Variants in DTD1 observed in about 807,000 individuals in gnomAD.
DTD1 encodes D-tyrosyl-tRNA deacylase 1 homolog.
DTD1 carries 13 observed loss-of-function variants against 25.6 expected under a neutral mutation model. That is an observed-to-expected ratio of 0.51 (90% CI 0.33 to 0.81). The LOEUF is 0.81. Ranked by LOEUF, DTD1 falls within the 30% of genes least tolerant of loss-of-function variation. The pLI, the probability that DTD1 is intolerant of heterozygous loss-of-function variation, is 0.02. For missense variants in DTD1, 193 were observed against 266.4 expected (o/e 0.72, Z 1.92); for synonymous variants, 110 against 103.6 (o/e 1.06, Z -0.37).
At chr20:18,730,344 A>G (rs184987528) in intron 4 of DTD1, among the ~76,000 whole-genome samples, 23 of 152,334 alleles carry the variant, frequency 1.5e-4, no homozygotes, top group African/African-American at 5.3e-4. Flanking sequence ...GTGCTGGGTC[A>G]TAACAAGCAT....
At chr20:18,622,811 T>C (rs1365626249) in intron 3 of DTD1, among the ~76,000 whole-genome samples, 1 of 152,196 alleles carries the variant, frequency 6.6e-6, no homozygotes, top group African/African-American at 2.4e-5. Context: ...TAGTGATCTC[T>C]TTGGGCCGGC....
intron 4 of DTD1, among the ~76,000 whole-genome samples, chr20:18,652,503 G>A (rs1463723497): frequency 3.9e-5 from 6 of 152,222 alleles, no homozygotes; most frequent in South Asian, 2.1e-4. Context: ...CAAGGCAGGT[G>A]CAGCCTGGAG....
At chr20:18,622,993 G>A (rs538467248) in intron 3 of DTD1, among the ~76,000 whole-genome samples, 3 of 146,702 alleles carry the variant, frequency 2.0e-5, no homozygotes, top group Admixed American at 7.0e-5. Context: ...AGGCTGGAGT[G>A]CAGTGGCGCG....
At chr20:18,593,687 T>G (rs1206797860) in intron 1 of DTD1, 44 bp from the exon 2 acceptor site, 11 of 1,462,868 alleles carry the variant, frequency 7.5e-6, no homozygotes, top group Non-Finnish European at 1.1e-5. Flanking sequence ...CTTTATGACC[T>G]TGTTTGGTTC....
intron 3 of DTD1, among the ~76,000 whole-genome samples, chr20:18,597,189 GTGTGTGTGTGTA>G (rs1443487618): frequency 1.6e-5 from 2 of 127,294 alleles, no homozygotes; most frequent in Non-Finnish European, 3.5e-5. Flanking sequence ...GTGTGTGTGT[GTGTGTGTGTGTA>G]TAGAGAGAAG....
chr20:18,743,376 G>A (rs1188689535), intron 4 of DTD1, among the ~76,000 whole-genome samples: 1 of 152,216 alleles, frequency 6.6e-6, no homozygotes, highest in Admixed American at 6.5e-5. Context: ...CTTCAGCAAA[G>A]AGTAATGTGT....
chr20:18,601,498 C>CAA (rs1175102426), intron 3 of DTD1, among the ~76,000 whole-genome samples: 28 of 110,496 alleles, frequency 2.5e-4, no homozygotes, highest in East Asian at 6.7e-4. Flanking sequence ...GACTCTGTCT[C>CAA]AAAAAAAAAA....
intron 1 of DTD1, chr20:18,588,981 A>G (rs1268244347): frequency 2.9e-6 from 2 of 698,066 alleles, no homozygotes; most frequent in African/African-American, 3.9e-5. Context: ...GTTTCAGTTC[A>G]AATAATTTCA....
At chr20:18,666,744 C>G (rs974355348) in intron 4 of DTD1, among the ~76,000 whole-genome samples, 15 of 152,118 alleles carry the variant, frequency 9.9e-5, no homozygotes, top group African/African-American at 3.6e-4. Flanking sequence ...TGTACTTTCT[C>G]TACTTAATTT....
At chr20:18,722,996 A>G (rs2122494704) in intron 4 of DTD1, among the ~76,000 whole-genome samples, 1 of 152,362 alleles carries the variant, frequency 6.6e-6, no homozygotes, top group South Asian at 2.1e-4. Context: ...ATAAATACAG[A>G]AGATTCCATT....
At chr20:18,599,961 C>T (rs1240618817) in intron 3 of DTD1, among the ~76,000 whole-genome samples, 1 of 152,130 alleles carries the variant, frequency 6.6e-6, no homozygotes, top group South Asian at 2.1e-4. Flanking sequence ...AAATATTTAT[C>T]CTTTATCAGA....
chr20:18,707,157 C>T (rs770915848), intron 4 of DTD1, among the ~76,000 whole-genome samples: 1 of 152,192 alleles, frequency 6.6e-6, no homozygotes, highest in Non-Finnish European at 1.5e-5. Flanking sequence ...AGCGTTCAGA[C>T]GACTCCCGTT....
At chr20:18,662,570 C>T (rs1173074015) in intron 4 of DTD1, among the ~76,000 whole-genome samples, 1 of 152,202 alleles carries the variant, frequency 6.6e-6, no homozygotes. Flanking sequence ...GAAGGATGCT[C>T]AATACAGCGT....
chr20:18,734,590 G>A (rs2061249253), intron 4 of DTD1, among the ~76,000 whole-genome samples: 1 of 152,208 alleles, frequency 6.6e-6, no homozygotes, highest in African/African-American at 2.4e-5. Flanking sequence ...ACTGAGGCAT[G>A]GTGAAATTCA....
At chr20:18,665,415 A>G (rs766235299) in intron 4 of DTD1, among the ~76,000 whole-genome samples, 2 of 152,212 alleles carry the variant, frequency 1.3e-5, no homozygotes, top group Non-Finnish European at 2.9e-5. Flanking sequence ...CTCTTCAGGT[A>G]TCCCCTTGAG....
chr20:18,617,947 G>A (rs1280980527), intron 3 of DTD1, among the ~76,000 whole-genome samples: 2 of 152,046 alleles, frequency 1.3e-5, no homozygotes, highest in Non-Finnish European at 2.9e-5. Flanking sequence ...CTGTTCTGTG[G>A]CAGGACCATA....
At chr20:18,735,547 T>G (rs1458427365) in intron 4 of DTD1, among the ~76,000 whole-genome samples, 2 of 152,212 alleles carry the variant, frequency 1.3e-5, no homozygotes, top group Non-Finnish European at 2.9e-5. Context: ...CTGTTCTTGA[T>G]TTTTCGGAAT....
At chr20:18,588,200 T>C (rs2060573784) in intron 1 of DTD1, 85 bp downstream of exon 1, 1 of 1,144,430 alleles carries the variant, frequency 8.7e-7, no homozygotes, top group Non-Finnish European at 1.1e-6. Flanking sequence ...TCCTGCGCCA[T>C]CCTTGGGGCC....
intron 4 of DTD1, among the ~76,000 whole-genome samples, chr20:18,689,077 C>T (rs1242855681): frequency 2.0e-5 from 3 of 152,150 alleles, no homozygotes; most frequent in Non-Finnish European, 2.9e-5. Context: ...AAGTTTAATG[C>T]GTGGACCGTA....
Sources: allele counts gnomAD v4.1 joint callset (sites outside exome capture counted in the v4.1 genomes callset), GRCh38; gene constraint gnomAD v4.1.1; transcripts MANE v1.5; gene names NCBI Gene and HGNC (gene_info 2026-07-23, HGNC 2026-07-21).